Variants in GALNT13 observed in about 807,000 individuals in gnomAD.
GALNT13 encodes the protein UDP-GalNAc:polypeptide N-acetylgalactosaminyltransferase 13.
A neutral mutation model predicts 64.2 loss-of-function variants in GALNT13; 28 were observed. The ratio of observed to expected loss-of-function variants is 0.44; its 90% confidence interval spans 0.32 to 0.60. The LOEUF (loss-of-function observed/expected upper bound fraction) is 0.60, where lower values mean the gene tolerates loss of function less well. GALNT13 is among the 20% of genes least tolerant of loss of function. The pLI, the probability that GALNT13 is intolerant of heterozygous loss-of-function variation, is 0.05. For missense variants in GALNT13, 577 were observed against 669.8 expected, an observed-to-expected ratio of 0.86 and a Z score of 1.53; for synonymous variants, 214 against 224.6, an observed-to-expected ratio of 0.95 and a Z score of 0.42.
chr2:154,198,419 A>T (rs1327264483), intron 4 of GALNT13, among the ~76,000 whole-genome samples: 1 of 151,974 alleles, frequency 6.6e-6, no homozygotes, highest in Admixed American at 6.6e-5. Flanking sequence ...TACAACATAA[A>T]ATTTACTATT....
chr2:154,244,159 G>A (rs148389749), intron 6 of GALNT13, among the ~76,000 whole-genome samples: 47 of 151,704 alleles, frequency 3.1e-4, no homozygotes, highest in African/African-American at 1.0e-3. Context: ...GTTTCAATAC[G>A]GTCATACATA....
At chr2:153,651,207 T>C in the GALNT13 span, among the ~76,000 whole-genome samples, 2 of 152,134 alleles carry the variant, frequency 1.3e-5, no homozygotes, top group East Asian at 3.9e-4. Flanking sequence ...GAAGCAGAAG[T>C]GTTGGGATAT....
the GALNT13 span, among the ~76,000 whole-genome samples, chr2:153,250,193 A>C: frequency 1.3e-5 from 2 of 152,242 alleles, no homozygotes; most frequent in African/African-American, 4.8e-5. Context: ...ATTTACAAGA[A>C]AAAAACAACC....
chr2:154,037,370 A>G (rs1365169766), intron 3 of GALNT13, among the ~76,000 whole-genome samples: 1 of 152,178 alleles, frequency 6.6e-6, no homozygotes, highest in Non-Finnish European at 1.5e-5. Flanking sequence ...AAGGCTATAT[A>G]TAACAAACCC....
At chr2:153,877,773 C>T (rs905857154) in intron 1 of GALNT13, among the ~76,000 whole-genome samples, 5 of 152,050 alleles carry the variant, frequency 3.3e-5, no homozygotes, top group Non-Finnish European at 7.4e-5. Context: ...TCCATTCCAG[C>T]TTATTTATGA....
chr2:153,161,500 CA>C, the GALNT13 span, among the ~76,000 whole-genome samples: 1 of 151,902 alleles, frequency 6.6e-6, no homozygotes, highest in African/African-American at 2.4e-5. Flanking sequence ...GTAAGGGGAT[CA>C]GGAGGGATGA....
chr2:153,115,445 G>A, the GALNT13 span, among the ~76,000 whole-genome samples: 1 of 152,196 alleles, frequency 6.6e-6, no homozygotes, highest in African/African-American at 2.4e-5. Flanking sequence ...GTGAAGACCA[G>A]TAAAGCTTTT....
At chr2:153,226,534 G>A in the GALNT13 span, among the ~76,000 whole-genome samples, 7 of 152,204 alleles carry the variant, frequency 4.6e-5, no homozygotes, top group African/African-American at 1.7e-4. Flanking sequence ...AATGAAAATG[G>A]TACTTTACCT....
the GALNT13 span, among the ~76,000 whole-genome samples, chr2:153,599,283 G>C: frequency 6.6e-6 from 1 of 151,890 alleles, no homozygotes; most frequent in Non-Finnish European, 1.5e-5. Flanking sequence ...ATGTATACTA[G>C]GTTAATGTTA....
the GALNT13 span, among the ~76,000 whole-genome samples, chr2:153,274,830 C>T: frequency 6.6e-6 from 1 of 152,204 alleles, no homozygotes; most frequent in African/African-American, 2.4e-5. Flanking sequence ...GCCTTCAGGG[C>T]AATTCATTTT....
chr2:153,333,246 G>T, the GALNT13 span, among the ~76,000 whole-genome samples: 470 of 152,276 alleles, frequency 3.1e-3, 19 homozygotes, highest in East Asian at 0.083. Flanking sequence ...GAATGTTCAA[G>T]CCTCTTCCCA....
At chr2:153,593,016 C>G in the GALNT13 span, 1 of 152,330 alleles carries the variant, frequency 6.6e-6, no homozygotes, top group Admixed American at 6.6e-5. Flanking sequence ...GGATAAAGCG[C>G]CACAGGAAGA....
intron 3 of GALNT13, among the ~76,000 whole-genome samples, chr2:154,123,779 T>C (rs1020718839): frequency 6.6e-6 from 1 of 152,054 alleles, no homozygotes; most frequent in African/African-American, 2.4e-5. Flanking sequence ...CACAAAAGGC[T>C]GTATAATTCT....
At chr2:153,805,612 C>T in the GALNT13 span, among the ~76,000 whole-genome samples, 1 of 151,920 alleles carries the variant, frequency 6.6e-6, no homozygotes, top group Non-Finnish European at 1.5e-5. Context: ...ATATAATATG[C>T]TCAGACCCTG....
the GALNT13 span, among the ~76,000 whole-genome samples, chr2:153,747,422 G>GTT: frequency 0.031 from 2,869 of 93,728 alleles, 357 homozygotes; most frequent in African/African-American, 0.089. Flanking sequence ...AGTGCCTTTG[G>GTT]TTTTTTTTTT....
At chr2:153,919,855 T>G (rs6760827) in intron 2 of GALNT13, among the ~76,000 whole-genome samples, 108,189 of 150,816 alleles carry the variant, frequency 0.72, 39,130 homozygotes, top group East Asian at 0.9. Flanking sequence ...CTTATTGCTA[T>G]GTTATAAACA....
chr2:154,003,391 G>T (rs527433965), intron 3 of GALNT13, among the ~76,000 whole-genome samples: 1 of 152,104 alleles, frequency 6.6e-6, no homozygotes, highest in Non-Finnish European at 1.5e-5. Flanking sequence ...AGACGTGGGC[G>T]TTTACCAGCT....
intron 4 of GALNT13, among the ~76,000 whole-genome samples, chr2:154,241,235 G>A (rs1338048830): frequency 6.6e-6 from 1 of 152,126 alleles, no homozygotes; most frequent in Non-Finnish European, 1.5e-5. Flanking sequence ...GCGGTCTTGG[G>A]AAATCCAACA....
intron 9 of GALNT13, among the ~76,000 whole-genome samples, chr2:154,354,990 G>A (rs892262776): frequency 2.0e-4 from 30 of 151,930 alleles, no homozygotes; most frequent in Admixed American, 2.0e-3. Context: ...ACCCTTCCCA[G>A]TCAGAAATTA....
Sources: gnomAD v4.1 joint callset for allele counts (sites outside exome capture counted in the v4.1 genomes callset) on GRCh38, gnomAD v4.1.1 for gene constraint, MANE v1.5 for transcripts, NCBI Gene and HGNC (gene_info 2026-07-23, HGNC 2026-07-21) for gene names.